TJP1: variants seen among roughly 807,000 people sequenced by gnomAD.
TJP1 encodes the protein tight junction protein 1, also known as tight junction protein ZO-1.
In TJP1, 43 loss-of-function variants were observed where a neutral mutation model predicts 194.2. The ratio of observed to expected loss-of-function variants is 0.22; its 90% CI spans 0.17 to 0.29. The LOEUF (loss-of-function observed/expected upper bound fraction) is 0.29. TJP1 is among the 10% of genes least tolerant of loss of function. TJP1 has a pLI of 1.00. For missense variants in TJP1, 1,971 were observed against 2,185.7 expected (o/e 0.90, Z 1.96); for synonymous variants, 801 against 779.0 (o/e 1.03, Z -0.47).
At chr15:29,735,957 G>GA (rs1321666285) in intron 11 of TJP1, among the ~76,000 whole-genome samples, 2 of 152,138 alleles carry the variant, frequency 1.3e-5, no homozygotes, top group Non-Finnish European at 2.9e-5. Flanking sequence ...CCAAACCCAA[G>GA]AAAGAGGCAG....
chr15:29,773,202 GCA>G lies in TJP1; in HGVS notation c.209+29_209+30del, dbSNP rs576359166. On this transcript the variant is annotated intron_variant, in intron 3 of 27. Transcript: ENST00000614355. ...CCTGAGGAGAGGAACACTGCTTGTT[GCA>G]CAGTGCCCACGATAAGCAGCACTCT... is the stretch of plus-strand genomic sequence containing the variant. 2.9e-4 allele frequency: 461 copies of G among 1,611,706 alleles called. 1 individual carries two copies. The South Asian group carries it at 4.1e-3, about 14-fold the overall frequency.
chr15:29,844,545 A>G (rs911612757), intron 2 of TJP1, among the ~76,000 whole-genome samples: 7 of 152,182 alleles, frequency 4.6e-5, no homozygotes, highest in Non-Finnish European at 8.8e-5. Flanking sequence ...GTGAAGGCAG[A>G]GCTGACAAGA....
chr15:29,829,954 T>G (rs1229790702), intron 2 of TJP1, among the ~76,000 whole-genome samples: 1 of 151,894 alleles, frequency 6.6e-6, no homozygotes, highest in Non-Finnish European at 1.5e-5. Flanking sequence ...ATGAGACTTT[T>G]CTAGATATGC....
intron 18 of TJP1, among the ~76,000 whole-genome samples, chr15:29,721,111 A>G (rs1275869284): frequency 6.6e-6 from 1 of 152,258 alleles, no homozygotes; most frequent in Non-Finnish European, 1.5e-5. Flanking sequence ...AGAATAGCAC[A>G]TGGAAGAATA....
rs751904703 is a variant in TJP1, at chr15:29,742,669, T to C, written c.1123A>G (p.Asn375Asp). The C allele has an allele frequency of 6.3e-7, 1 of 1,586,566 alleles. No individual in the cohort carries two copies. Among genetic ancestry groups the C allele is most frequent in the African/African-American group, 1.4e-5 (1 of 73,470 alleles). The change falls in exon 9 of 28, where the codon AAT becomes GAT. Residue 375 changes from asparagine to aspartate, a missense_variant. Physicochemically the swap from Asn to Asp is conservative, Grantham distance 23 (BLOSUM62 1). Around this residue, in one of 5 missense-constraint regions of TJP1, gnomAD observed 192 missense variants for 182.3 expected, o/e 1.05. Coordinates refer to ENST00000614355, the MANE Select transcript of TJP1 (RefSeq NM_001330239.4). Reference protein sequence around the residue: ...KTVEEVTVERNEKQTPSLPEP... With the variant: ...KTVEEVTVERDEKQTPSLPEP... ...GGAAGAGAAGGTGTTTGTTTCTCATTTCTTTCAACTGTAACTTCTTCCACT... is the reference window on the plus strand; with the variant it reads ...GGAAGAGAAGGTGTTTGTTTCTCATCTCTTTCAACTGTAACTTCTTCCACT...
intron 2 of TJP1, among the ~76,000 whole-genome samples, chr15:29,776,782 CAA>C (rs1224558419): frequency 4.6e-5 from 7 of 152,118 alleles, no homozygotes; most frequent in African/African-American, 1.2e-4. Flanking sequence ...TCAAGGTTAT[CAA>C]AAGAGTCTTT....
chr15:29,925,331 C>G (rs1306739756), intron 2 of TJP1, among the ~76,000 whole-genome samples: 5 of 152,222 alleles, frequency 3.3e-5, no homozygotes, highest in African/African-American at 1.2e-4. Flanking sequence ...CAAGTGCTCT[C>G]CAGCCCAGGA....
In TJP1 at chr15:29,772,171, G is replaced by A. The variant is rs192422672; in HGVS notation, c.210-5C>T. The A allele has an allele frequency of 5.2e-6, 8 of 1,549,398 alleles. No homozygotes were observed. The Admixed American group carries it at 1.3e-4, about 25-fold the overall frequency. ...ATTGCAACTCGGTCATTTTCCCTAAGGGGAAAAGGGCACAAAATAATATGT... is the reference window on the plus strand; with the variant it reads ...ATTGCAACTCGGTCATTTTCCCTAAAGGGAAAAGGGCACAAAATAATATGT... On this transcript the variant is annotated splice_polypyrimidine_tract_variant and splice_region_variant and intron_variant, in intron 3 of 27. Transcript: ENST00000614355.
At chr15:29,728,181 T>G in intron 15 of TJP1, 162 bp from the exon 16 acceptor site, 1 of 456,948 alleles carries the variant, frequency 2.2e-6, no homozygotes, top group Non-Finnish European at 3.9e-6. Context: ...ATATGCATAC[T>G]TCCCTTTTTT....
intron 18 of TJP1, among the ~76,000 whole-genome samples, chr15:29,723,678 T>C (rs2043071549): frequency 6.6e-6 from 1 of 152,210 alleles, no homozygotes; most frequent in Admixed American, 6.5e-5. Flanking sequence ...AAATTATTTA[T>C]TATTTTTCAT....
intron 2 of TJP1, among the ~76,000 whole-genome samples, chr15:29,860,598 T>C (rs2052040877): frequency 6.6e-6 from 1 of 152,214 alleles, no homozygotes; most frequent in Non-Finnish European, 1.5e-5. Context: ...ATCACATGTA[T>C]TAATACTTCA....
At chr15:29,961,413 A>G (rs1410537647) in intron 1 of TJP1, among the ~76,000 whole-genome samples, 2 of 142,810 alleles carry the variant, frequency 1.4e-5, no homozygotes, top group Non-Finnish European at 3.0e-5. Context: ...CAGTGGCGCA[A>G]TCTCGGCTCA....
intron 2 of TJP1, among the ~76,000 whole-genome samples, chr15:29,937,237 A>C (rs559502584): frequency 6.6e-6 from 1 of 152,210 alleles, no homozygotes; most frequent in Non-Finnish European, 1.5e-5. Context: ...AAAACAAATT[A>C]AAAAAGTAAT....
At chr15:29,867,034 TTCTGTGTTC>T (rs760062094) in intron 2 of TJP1, among the ~76,000 whole-genome samples, 2 of 152,224 alleles carry the variant, frequency 1.3e-5, no homozygotes, top group African/African-American at 2.4e-5. Flanking sequence ...TTCCAGTTGT[TTCTGTGTTC>T]TCTGTGTTCT....
intron 2 of TJP1, among the ~76,000 whole-genome samples, chr15:29,899,680 C>T (rs576087535): frequency 6.6e-6 from 1 of 152,284 alleles, no homozygotes; most frequent in South Asian, 2.1e-4. Flanking sequence ...AGCTATTCTA[C>T]ATTAGGAGTT....
rs188841394 is a variant in TJP1 at position 29,747,848 on chromosome 15, C to T, written c.1011-5067G>A. ...ACAAAACTTCTGGGAGTATTTTTAT[C>T]TTTGGCCAATTTGCATACCCCATTG... On this transcript the variant is annotated intron_variant, in intron 8 of 27. Transcript: ENST00000614355. Among the ~76,000 whole-genome samples, 104 of 152,284 alleles carry T rather than the reference C, an allele frequency of 6.8e-4. 1 individual carries two copies. Among genetic ancestry groups the T allele is most frequent in the African/African-American group, 1.5e-3 (61 of 41,558 alleles).
Position 29,711,046 on chromosome 15 carries a change from A to G in TJP1, c.4203-46T>C. 3.3e-6 allele frequency: 5 copies of G among 1,513,872 alleles called. No homozygotes were observed. In the South Asian group the frequency reaches 6.8e-5, roughly 21 times the overall value. 93.8% of individuals were successfully genotyped at this position (1,513,872 alleles called of 1,614,324 possible). A position where few individuals can be genotyped will look rare whatever the true frequency, so the allele number is the denominator to read the frequency against. On this transcript the variant is annotated intron_variant, in intron 23 of 27. Transcript: ENST00000614355. ...TGCCAACACCTGAAAATGGACTCAC[A>G]TTTACAAAACAAGTTCTCATTTCTC...
At chr15:29,720,337 C>T (rs769806153) in intron 19 of TJP1, 21 bp downstream of exon 19, 4 of 1,526,320 alleles carry the variant, frequency 2.6e-6, no homozygotes, top group African/African-American at 1.4e-5. Context: ...ATCTACAAAA[C>T]GTTGAATGCT....
At chr15:29,830,597 T>C (rs963253649) in intron 2 of TJP1, among the ~76,000 whole-genome samples, 2 of 151,702 alleles carry the variant, frequency 1.3e-5, no homozygotes, top group African/African-American at 4.8e-5. Flanking sequence ...ACCAAGATTT[T>C]CTGTTTAAGA....
Sources: gnomAD v4.1 joint callset for allele counts (sites outside exome capture counted in the v4.1 genomes callset) on GRCh38, gnomAD v4.1.1 for gene constraint, gnomAD v4.1.1 regional missense constraint, MANE v1.5 for transcripts, NCBI Gene and HGNC (gene_info 2026-07-23, HGNC 2026-07-21) for gene names.